ZNF516: variants seen among roughly 807,000 people sequenced by gnomAD.
ZNF516 encodes zinc finger protein 516.
ZNF516 carries 19 observed loss-of-function variants against 79.7 expected under a neutral mutation model. The observed-to-expected ratio is 0.24, with a 90% CI of 0.17 to 0.35. ZNF516 has a LOEUF of 0.35. Ranked by LOEUF, ZNF516 falls within the 10% of genes least tolerant of loss-of-function variation. The probability of loss-of-function intolerance (pLI) is 1.00; values close to 1 mark genes in which losing one functional copy is unlikely to be tolerated. For synonymous variants in ZNF516, 877 were observed against 739.5 expected (o/e 1.19, Z -3.02); for missense variants, 1,678 against 1,679.5 (o/e 1.00, Z 0.02).
intron 1 of ZNF516, among the ~76,000 whole-genome samples, chr18:76,484,186 C>A (rs537317118): frequency 6.6e-6 from 1 of 152,198 alleles, no homozygotes; most frequent in Non-Finnish European, 1.5e-5. Flanking sequence ...AAAGGCTAAG[C>A]TGGGAATCAG....
rs570823961 is a variant in ZNF516 at position 76,375,767 on chromosome 18, G to A, written c.3259+3088C>T. 5.4e-4 allele frequency among the ~76,000 whole-genome samples: 81 copies of A among 151,094 alleles called. 2 individuals are homozygous for A. The highest frequency in any genetic ancestry group is 1.9e-3 in the African/African-American group (77 of 41,052). On this transcript the variant is annotated intron_variant, in intron 4 of 6. Coordinates refer to ENST00000443185, the MANE Select transcript of ZNF516 (RefSeq NM_014643.4). Reference sequence around the variant, plus strand: ...ATGGGAAGGCCCAAGAGACCAGGTAGAGGATGGATGGGAAGGCCCCAAAGA... The same window carrying A: ...ATGGGAAGGCCCAAGAGACCAGGTAAAGGATGGATGGGAAGGCCCCAAAGA...
chr18:76,448,267 TATC>T (rs753850681), intron 2 of ZNF516, among the ~76,000 whole-genome samples: 22 of 152,354 alleles, frequency 1.4e-4, no homozygotes, highest in Admixed American at 6.5e-4. Context: ...TTTTTGCCTA[TATC>T]ATACAATTGA....
At position 76,442,833 on chromosome 18, in the gene ZNF516, C is replaced by T. The variant is rs991795314; in HGVS notation, c.222G>A (p.Lys74=). 2 of 1,612,962 alleles carry T rather than the reference C, an allele frequency of 1.2e-6. No individual in the cohort carries two copies. The highest frequency in any genetic ancestry group is 2.7e-5 in the African/African-American group (2 of 74,932). The change falls in exon 3 of 7, where the codon AAG becomes AAA. Residue 74 remains lysine, a synonymous_variant. Transcript: ENST00000443185. The stretch of plus-strand genomic sequence containing the variant: ...TCCGGATGTGAATCTTCAGGTTGCC[C>T]TTCTGGGAAGCCCGGTGGTCGCAGT... ...CPYCDHRASQ[K]GNLKIHIRSH...
At chr18:76,465,591 GA>G (rs1913414065) in intron 1 of ZNF516, among the ~76,000 whole-genome samples, 1 of 152,198 alleles carries the variant, frequency 6.6e-6, no homozygotes, top group South Asian at 2.1e-4. Flanking sequence ...GGAAAGAGGC[GA>G]AAATACGAGT....
chr18:76,495,746 C>A, upstream of ZNF516: 1 of 1,169,600 alleles, frequency 8.5e-7, no homozygotes, highest in Non-Finnish European at 1.1e-6. Flanking sequence ...GCACTGCGCC[C>A]CATCTGGACT....
intron 1 of ZNF516, among the ~76,000 whole-genome samples, chr18:76,470,355 A>T (rs1008953820): frequency 6.6e-6 from 1 of 152,166 alleles, no homozygotes; most frequent in Non-Finnish European, 1.5e-5. Context: ...TGAAGGGAAC[A>T]TTTCTACCCA....
intron 2 of ZNF516, among the ~76,000 whole-genome samples, chr18:76,443,701 GC>G (rs1380798739): frequency 6.6e-6 from 1 of 152,212 alleles, no homozygotes; most frequent in East Asian, 1.9e-4. Flanking sequence ...GTGCCACTTA[GC>G]CAATGGGATA....
chr18:76,416,712 A>G (rs895255673), intron 3 of ZNF516, among the ~76,000 whole-genome samples: 3 of 152,244 alleles, frequency 2.0e-5, no homozygotes, highest in African/African-American at 7.2e-5. Flanking sequence ...AAAGTCTCAT[A>G]TAAAATAAAA....
chr18:76,428,598 C>T (rs1241104617), intron 3 of ZNF516, among the ~76,000 whole-genome samples: 1 of 152,140 alleles, frequency 6.6e-6, no homozygotes, highest in Non-Finnish European at 1.5e-5. Flanking sequence ...CAGGGAGATT[C>T]CCAAGACATA....
At chr18:76,403,992 C>A (rs769461641) in intron 3 of ZNF516, among the ~76,000 whole-genome samples, 1 of 152,260 alleles carries the variant, frequency 6.6e-6, no homozygotes, top group Non-Finnish European at 1.5e-5. Flanking sequence ...GTGGCCCCCA[C>A]GTGGGTACCA....
chr18:76,476,991 A>G (rs1177796814), intron 1 of ZNF516, among the ~76,000 whole-genome samples: 1 of 152,006 alleles, frequency 6.6e-6, no homozygotes, highest in Admixed American at 6.6e-5. Flanking sequence ...GTCCACTAAC[A>G]AACAGTCGTC....
chr18:76,458,267 CACTT>C (rs1912854258), intron 2 of ZNF516, among the ~76,000 whole-genome samples: 1 of 152,210 alleles, frequency 6.6e-6, no homozygotes, highest in South Asian at 2.1e-4. Flanking sequence ...TACGTCCTTT[CACTT>C]AAAGTTGCAG....
rs1022144483 is a variant in ZNF516 at position 76,360,255 on chromosome 18, T to C, written c.*2243A>G. 4.6e-5 allele frequency: 7 copies of C among 152,330 alleles called. No individual in the cohort carries two copies. The highest frequency in any genetic ancestry group is 1.7e-4 in the African/African-American group (7 of 41,568). 9.4% of individuals were successfully genotyped at this position (152,330 alleles called of 1,614,324 possible). A position where few individuals can be genotyped will look rare whatever the true frequency, so the allele number is the denominator to read the frequency against. ...CATGCCGCTTCTGAAACAGTAAAAA[T>C]GTAGACTACACTTTCGTGTCACTTT... is the stretch of plus-strand genomic sequence containing the variant. On this transcript the variant is annotated 3_prime_UTR_variant, in exon 7 of 7. Transcript: ENST00000443185.
At chr18:76,408,327 A>G (rs915880909) in intron 3 of ZNF516, among the ~76,000 whole-genome samples, 1 of 152,210 alleles carries the variant, frequency 6.6e-6, no homozygotes, top group African/African-American at 2.4e-5. Flanking sequence ...GAGGTGCTGC[A>G]GGCTGGTGTG....
intron 6 of ZNF516, among the ~76,000 whole-genome samples, chr18:76,363,495 AC>A (rs2074569751): frequency 6.6e-6 from 1 of 152,182 alleles, no homozygotes; most frequent in South Asian, 2.1e-4. Flanking sequence ...TGTGACATCT[AC>A]CAGTTGGCAT....
At chr18:76,486,974 G>A (rs182659739) in intron 1 of ZNF516, among the ~76,000 whole-genome samples, 1 of 152,118 alleles carries the variant, frequency 6.6e-6, no homozygotes, top group Non-Finnish European at 1.5e-5. Context: ...TACTATAGTT[G>A]TCTTTTAAAT....
rs961611807 is a variant in ZNF516, at chr18:76,362,353, G to A, written c.*145C>T. 1.2e-5 allele frequency: 8 copies of A among 643,648 alleles called. No individual in the cohort carries two copies. The highest frequency in any genetic ancestry group is 2.4e-5 in the South Asian group (1 of 41,134). The allele number at this position is 643,648 out of a possible 1,614,324, so 39.9% of individuals were successfully genotyped here. Reference sequence around the variant, plus strand: ...CCTTCAGTTTCCACTCCAGCGCAGCGGCTCGGGATGTGAGGTGTCTGCTCA... The same window carrying A: ...CCTTCAGTTTCCACTCCAGCGCAGCAGCTCGGGATGTGAGGTGTCTGCTCA... On this transcript the variant is annotated 3_prime_UTR_variant, in exon 7 of 7. Coordinates refer to ENST00000443185, the MANE Select transcript of ZNF516 (RefSeq NM_014643.4).
At chr18:76,415,747 C>G (rs1161645884) in intron 3 of ZNF516, among the ~76,000 whole-genome samples, 1 of 152,144 alleles carries the variant, frequency 6.6e-6, no homozygotes, top group Non-Finnish European at 1.5e-5. Flanking sequence ...CATAGAGAAA[C>G]CGGCTCAAAA....
intron 1 of ZNF516, chr18:76,490,844 G>C (rs1331337163): frequency 1.0e-6 from 1 of 985,380 alleles, no homozygotes; most frequent in Non-Finnish European, 1.2e-6. Context: ...TTACGCAGGG[G>C]ACACCCCTGG....
Sources: gnomAD v4.1 joint callset for allele counts (sites outside exome capture counted in the v4.1 genomes callset) on GRCh38, gnomAD v4.1.1 for gene constraint, MANE v1.5 for transcripts, NCBI Gene and HGNC (gene_info 2026-07-23, HGNC 2026-07-21) for gene names.